PARD3: variants seen among roughly 807,000 people sequenced by gnomAD.
PARD3 encodes the protein par-3 family cell polarity regulator.
PARD3 carries 75 observed loss-of-function variants against 155.4 expected under a neutral mutation model. The observed-to-expected ratio is 0.48, with a 90% CI of 0.40 to 0.58. PARD3 has a LOEUF of 0.58. Ranked by LOEUF, PARD3 falls within the 20% of genes least tolerant of loss-of-function variation. PARD3 has a pLI of 0.00. For missense variants in PARD3, 1,642 were observed against 1,721.7 expected (o/e 0.95, Z 0.82); for synonymous variants, 576 against 610.5 (o/e 0.94, Z 0.83).
At chr10:34,511,804 T>C (rs2081413681) in intron 3 of PARD3, among the ~76,000 whole-genome samples, 1 of 152,136 alleles carries the variant, frequency 6.6e-6, no homozygotes, top group South Asian at 2.1e-4. Context: ...CAGTTCACTG[T>C]AACCTTGATC....
At chr10:34,175,818 T>C (rs1299130651) in intron 22 of PARD3, among the ~76,000 whole-genome samples, 1 of 152,202 alleles carries the variant, frequency 6.6e-6, no homozygotes, top group African/African-American at 2.4e-5. Flanking sequence ...ATGAACAATT[T>C]AAGTGTTAAA....
At chr10:34,304,913 T>G (rs1321858932) in intron 20 of PARD3, among the ~76,000 whole-genome samples, 1 of 152,154 alleles carries the variant, frequency 6.6e-6, no homozygotes, top group Non-Finnish European at 1.5e-5. Context: ...ACATACCACC[T>G]GACAAAATCA....
At chr10:34,696,564 GCACC>G (rs1288166011) in intron 1 of PARD3, 145 bp from the exon 2 acceptor site, 4 of 626,532 alleles carry the variant, frequency 6.4e-6, no homozygotes, top group Non-Finnish European at 1.1e-5. Context: ...AATTCAGACA[GCACC>G]CTAAGTTTGG....
At chr10:34,800,562 G>A (rs1005014526) in intron 1 of PARD3, among the ~76,000 whole-genome samples, 6 of 151,986 alleles carry the variant, frequency 3.9e-5, no homozygotes, top group Non-Finnish European at 7.4e-5. Context: ...AGTGAGCCGC[G>A]ATCATGCCAC....
intron 7 of PARD3, among the ~76,000 whole-genome samples, chr10:34,398,454 A>C (rs1843560354): frequency 6.6e-6 from 1 of 152,214 alleles, no homozygotes; most frequent in Non-Finnish European, 1.5e-5. Flanking sequence ...AGTTAAAATA[A>C]AAAGAAAAAA....
intron 22 of PARD3, among the ~76,000 whole-genome samples, chr10:34,257,036 T>C (rs1954688046): frequency 6.6e-6 from 1 of 152,186 alleles, no homozygotes; most frequent in Admixed American, 6.5e-5. Context: ...GCATCTCCTT[T>C]AGTTACACAA....
At chr10:34,572,117 A>G (rs1054330133) in intron 2 of PARD3, among the ~76,000 whole-genome samples, 6 of 152,232 alleles carry the variant, frequency 3.9e-5, no homozygotes, top group African/African-American at 1.4e-4. Context: ...ATTCTTTTGT[A>G]TCTTGAAAAT....
chr10:34,443,103 G>A (rs979538766), intron 5 of PARD3, among the ~76,000 whole-genome samples: 2 of 152,044 alleles, frequency 1.3e-5, no homozygotes, highest in African/African-American at 4.8e-5. Flanking sequence ...ACCACAGGTT[G>A]ATCATCCCAG....
At chr10:34,605,956 A>C (rs2090360676) in intron 2 of PARD3, among the ~76,000 whole-genome samples, 1 of 122,618 alleles carries the variant, frequency 8.2e-6, no homozygotes, top group African/African-American at 3.2e-5. Context: ...TCCTATATAT[A>C]TATATCTCCT....
intron 21 of PARD3, among the ~76,000 whole-genome samples, chr10:34,273,937 A>G (rs983609227): frequency 2.0e-5 from 3 of 152,138 alleles, no homozygotes; most frequent in Admixed American, 6.6e-5. Flanking sequence ...ACAGGACCCA[A>G]TGACATTTGA....
intron 2 of PARD3, among the ~76,000 whole-genome samples, chr10:34,585,537 C>A (rs941713789): frequency 8.8e-4 from 122 of 138,326 alleles, no homozygotes; most frequent in African/African-American, 3.2e-3. Context: ...CTTTTTTTTT[C>A]TTTTTCTTTC....
intron 21 of PARD3, among the ~76,000 whole-genome samples, chr10:34,279,334 A>G (rs1466200278): frequency 6.6e-6 from 1 of 151,756 alleles, no homozygotes; most frequent in Non-Finnish European, 1.5e-5. Context: ...TATTTATCGA[A>G]ATAGTTAAGT....
At position 34,759,348 on chromosome 10, in the gene PARD3, T is replaced by A. The variant is rs73255008; in HGVS notation, c.120+55528A>T. On this transcript the variant is annotated intron_variant, in intron 1 of 24. Coordinates refer to ENST00000374788, the MANE Select transcript of PARD3 (RefSeq NM_001184785.2). ...AACAATGTACATAATATTTAATCAA[T>A]GAGTAAGCACTTACTAGATACACTG... Among the ~76,000 whole-genome samples the A allele has an allele frequency of 9.2e-3, 1,401 of 152,274 alleles. 26 individuals are homozygous for A. The highest frequency in any genetic ancestry group is 0.031 in the African/African-American group (1,308 of 41,540).
chr10:34,425,448 C>CT (rs2075552379), intron 5 of PARD3, among the ~76,000 whole-genome samples: 1 of 152,134 alleles, frequency 6.6e-6, no homozygotes, highest in Non-Finnish European at 1.5e-5. Flanking sequence ...TAGGGTCTCG[C>CT]TCTGTGGCAC....
intron 12 of PARD3, among the ~76,000 whole-genome samples, chr10:34,367,937 G>A (rs1309542967): frequency 6.6e-6 from 1 of 152,074 alleles, no homozygotes; most frequent in Non-Finnish European, 1.5e-5. Context: ...TAACTTTCTA[G>A]AATGCATTTT....
chr10:34,312,254 A>G, intron 20 of PARD3: 1 of 1,595,342 alleles, frequency 6.3e-7, no homozygotes, highest in South Asian at 1.1e-5. Flanking sequence ...GTCAACAGCC[A>G]CTAAGAATTC....
chr10:34,680,222 A>C (rs1229937318), intron 2 of PARD3, among the ~76,000 whole-genome samples: 2 of 152,174 alleles, frequency 1.3e-5, no homozygotes, highest in Admixed American at 1.3e-4. Flanking sequence ...CACAAAACCC[A>C]ATGCTTTAGG....
chr10:34,262,140 T>G lies in PARD3; in HGVS notation c.3419+7517A>C, dbSNP rs575386816. On this transcript the variant is annotated intron_variant, in intron 22 of 24. Coordinates refer to ENST00000374788, the MANE Select transcript of PARD3 (RefSeq NM_001184785.2). ...AAATGTGGGTTTGTAGTCAACTACA[T>G]CTACTGAATCAAAATATCTATGAGG... Among the ~76,000 whole-genome samples the G allele has an allele frequency of 2.2e-4, 34 of 151,944 alleles. No homozygotes were observed. In the South Asian group the frequency reaches 7.1e-3, roughly 32 times the overall value.
intron 2 of PARD3, among the ~76,000 whole-genome samples, chr10:34,593,462 T>C (rs1215226082): frequency 1.3e-5 from 2 of 152,204 alleles, no homozygotes; most frequent in East Asian, 3.9e-4. Flanking sequence ...CATATTTTTA[T>C]GATATAGAAT....
Sources: gnomAD v4.1 joint callset for allele counts (sites outside exome capture counted in the v4.1 genomes callset) on GRCh38, gnomAD v4.1.1 for gene constraint, MANE v1.5 for transcripts, NCBI Gene and HGNC (gene_info 2026-07-23, HGNC 2026-07-21) for gene names.